Variants in ZBTB7C observed in about 807,000 individuals in gnomAD.
ZBTB7C encodes the protein zinc finger and BTB domain-containing protein 7C.
In ZBTB7C, 8 loss-of-function variants were observed where a neutral mutation model predicts 25.7. That is an observed-to-expected ratio of 0.31 (90% CI 0.18 to 0.56). ZBTB7C has a LOEUF of 0.56. Ranked by LOEUF, ZBTB7C falls within the 20% of genes least tolerant of loss-of-function variation. ZBTB7C has a pLI of 0.91. For missense variants in ZBTB7C, 824 were observed against 855.2 expected (o/e 0.96, Z 0.46); for synonymous variants, 394 against 369.0 (o/e 1.07, Z -0.78).
At chr18:48,172,616 G>A (rs923526389) in intron 3 of ZBTB7C, among the ~76,000 whole-genome samples, 1 of 152,242 alleles carries the variant, frequency 6.6e-6, no homozygotes, top group Non-Finnish European at 1.5e-5. Flanking sequence ...TGACTGACGT[G>A]ACCCACGGGG....
At chr18:48,096,079 C>T (rs2038620576) in intron 3 of ZBTB7C, among the ~76,000 whole-genome samples, 1 of 152,242 alleles carries the variant, frequency 6.6e-6, no homozygotes, top group Non-Finnish European at 1.5e-5. Flanking sequence ...GGCTCAGGTT[C>T]TTGGTCCTCT....
At chr18:48,071,911 CT>C in intron 3 of ZBTB7C, among the ~76,000 whole-genome samples, 1 of 152,288 alleles carries the variant, frequency 6.6e-6, no homozygotes, top group South Asian at 2.1e-4. Flanking sequence ...ACTGATTCTG[CT>C]TCTTGGAAGT....
chr18:48,219,175 G>C (rs767388026), intron 2 of ZBTB7C, among the ~76,000 whole-genome samples: 3 of 152,154 alleles, frequency 2.0e-5, no homozygotes, highest in South Asian at 2.1e-4. Context: ...CAGAGCATGA[G>C]GGGGAGCCAC....
At chr18:48,085,490 C>G in intron 3 of ZBTB7C, among the ~76,000 whole-genome samples, 1 of 152,120 alleles carries the variant, frequency 6.6e-6, no homozygotes, top group East Asian at 1.9e-4. Flanking sequence ...GGTTTGGATC[C>G]CTGCTCTGCT....
chr18:48,164,560 C>A (rs1208496456), intron 3 of ZBTB7C, among the ~76,000 whole-genome samples: 2 of 152,198 alleles, frequency 1.3e-5, no homozygotes, highest in African/African-American at 4.8e-5. Context: ...ACCTCGTGAT[C>A]CTCCTTCTTT....
At chr18:48,077,078 A>G in intron 3 of ZBTB7C, 1 of 567,314 alleles carries the variant, frequency 1.8e-6, no homozygotes, top group Non-Finnish European at 2.2e-6. Context: ...AAAAAAAAAA[A>G]AGCATTTCCT....
chr18:48,079,170 G>T (rs545450285), intron 3 of ZBTB7C, among the ~76,000 whole-genome samples: 2 of 152,238 alleles, frequency 1.3e-5, no homozygotes, highest in East Asian at 3.9e-4. Flanking sequence ...GCCTCAGATG[G>T]CTCTCTGCCT....
chr18:48,385,121 T>G (rs921994342), intron 1 of ZBTB7C, among the ~76,000 whole-genome samples: 1 of 152,198 alleles, frequency 6.6e-6, no homozygotes, highest in Non-Finnish European at 1.5e-5. Context: ...CACATCATGG[T>G]TGACATACCC....
chr18:48,208,237 C>G (rs887568991), intron 2 of ZBTB7C, among the ~76,000 whole-genome samples: 1 of 152,022 alleles, frequency 6.6e-6, no homozygotes, highest in African/African-American at 2.4e-5. Flanking sequence ...GGAATCTTTA[C>G]CAGCACCTAG....
chr18:48,231,655 C>T (rs935352193), intron 2 of ZBTB7C, among the ~76,000 whole-genome samples: 3 of 152,182 alleles, frequency 2.0e-5, no homozygotes, highest in Non-Finnish European at 4.4e-5. Flanking sequence ...CAGGACCCAC[C>T]GATGGTGGGG....
chr18:48,084,697 G>T (rs184816197), intron 3 of ZBTB7C, among the ~76,000 whole-genome samples: 4 of 152,330 alleles, frequency 2.6e-5, no homozygotes, highest in Non-Finnish European at 4.4e-5. Flanking sequence ...CCGGGCCAGT[G>T]CTGGGCCTTC....
chr18:48,240,966 A>G (rs1338936538), intron 2 of ZBTB7C, among the ~76,000 whole-genome samples: 1 of 152,154 alleles, frequency 6.6e-6, no homozygotes, highest in Non-Finnish European at 1.5e-5. Context: ...CACCTAACAC[A>G]TAAGGACTCA....
At chr18:48,312,851 T>C (rs1000730191) in intron 2 of ZBTB7C, among the ~76,000 whole-genome samples, 3 of 152,222 alleles carry the variant, frequency 2.0e-5, no homozygotes, top group Admixed American at 6.5e-5. Flanking sequence ...TGGAGTTATA[T>C]CCTGGGCTGT....
intron 2 of ZBTB7C, among the ~76,000 whole-genome samples, chr18:48,206,663 A>T (rs1387261104): frequency 6.6e-6 from 1 of 152,184 alleles, no homozygotes; most frequent in Non-Finnish European, 1.5e-5. Flanking sequence ...ATAAACAAAC[A>T]AACAAACAAA....
At chr18:48,054,238 G>A (rs1303672506) in intron 3 of ZBTB7C, among the ~76,000 whole-genome samples, 5 of 152,112 alleles carry the variant, frequency 3.3e-5, no homozygotes, top group Admixed American at 6.5e-5. Context: ...CTGTATTTGA[G>A]GAAGGTGTCA....
At chr18:48,108,711 C>T (rs972670696) in intron 3 of ZBTB7C, among the ~76,000 whole-genome samples, 4 of 152,134 alleles carry the variant, frequency 2.6e-5, no homozygotes, top group African/African-American at 9.7e-5. Flanking sequence ...ATTGGAATTA[C>T]AGGCATGAGC....
intron 2 of ZBTB7C, among the ~76,000 whole-genome samples, chr18:48,196,866 G>A (rs1465935766): frequency 6.6e-6 from 1 of 152,196 alleles, no homozygotes; most frequent in Non-Finnish European, 1.5e-5. Flanking sequence ...GAACATATCT[G>A]TAGTGAATAT....
At chr18:48,193,650 T>C (rs2042251584) in intron 2 of ZBTB7C, among the ~76,000 whole-genome samples, 1 of 152,194 alleles carries the variant, frequency 6.6e-6, no homozygotes, top group African/African-American at 2.4e-5. Context: ...CCCTGGCTGC[T>C]CCTGCTCTGC....
intron 2 of ZBTB7C, among the ~76,000 whole-genome samples, chr18:48,331,059 T>C (rs1218931495): frequency 6.6e-6 from 1 of 152,166 alleles, no homozygotes; most frequent in Admixed American, 6.5e-5. Flanking sequence ...CCCTTTCCTC[T>C]GAACCTGAAC....
Sources: gnomAD v4.1 joint callset for allele counts (sites outside exome capture counted in the v4.1 genomes callset) on GRCh38, gnomAD v4.1.1 for gene constraint, MANE v1.5 for transcripts, NCBI Gene and HGNC (gene_info 2026-07-23, HGNC 2026-07-21) for gene names.